The following BRINP2 variants were observed in gnomAD, a reference collection of about 807,000 sequenced individuals.
BRINP2 encodes BMP/retinoic acid-inducible neural-specific protein 2.
In BRINP2, 21 loss-of-function variants were observed where a neutral mutation model predicts 69.2. That is an observed-to-expected ratio of 0.30 (90% CI 0.22 to 0.44). BRINP2 has a LOEUF of 0.44. Ranked by LOEUF, BRINP2 falls within the 20% of genes least tolerant of loss-of-function variation. The pLI is 1.00. For synonymous variants in BRINP2, 380 were observed against 394.1 expected (o/e 0.96, Z 0.42); for missense variants, 877 against 986.0 (o/e 0.89, Z 1.48).
chr1:177,210,774 T>C (rs562647634), intron 1 of BRINP2, among the ~76,000 whole-genome samples: 1 of 151,602 alleles, frequency 6.6e-6, no homozygotes. Flanking sequence ...AACTTTCCGA[T>C]GAAAAATTAT....
Position 177,248,872 on chromosome 1 carries a change from G to A in BRINP2, c.270-7047G>A, listed in dbSNP as rs553571211. On this transcript the variant is annotated intron_variant, in intron 2 of 7. Coordinates refer to ENST00000361539, the MANE Select transcript of BRINP2 (RefSeq NM_021165.4). ...TTTGTAGCCATTTAGTATTCTCATCGGAGACCCTTTTGCTTCAAACCCAGA... is the reference window on the plus strand; with the variant it reads ...TTTGTAGCCATTTAGTATTCTCATCAGAGACCCTTTTGCTTCAAACCCAGA... Among the ~76,000 whole-genome samples, 378 of 152,116 alleles carry A rather than the reference G, an allele frequency of 2.5e-3. 3 individuals are homozygous for A. Among genetic ancestry groups the A allele is most frequent in the South Asian group, 3.5e-3 (17 of 4,812 alleles).
At chr1:177,256,660 T>C in intron 3 of BRINP2, 1 of 1,036,046 alleles carries the variant, frequency 9.7e-7, no homozygotes, top group East Asian at 8.1e-5. Flanking sequence ...GAGCTCCCTC[T>C]GCCCTGGGAA....
At chr1:177,213,082 G>A (rs1446651575) in intron 1 of BRINP2, among the ~76,000 whole-genome samples, 1 of 152,164 alleles carries the variant, frequency 6.6e-6, no homozygotes, top group Non-Finnish European at 1.5e-5. Context: ...AAGATGTGGA[G>A]ATGTGTAATC....
chr1:177,200,248 C>A (rs192064254), intron 1 of BRINP2, among the ~76,000 whole-genome samples: 2 of 123,182 alleles, frequency 1.6e-5, no homozygotes, highest in Non-Finnish European at 1.6e-5. Context: ...GCTGAGATTG[C>A]GCCCTTGCTC....
intron 1 of BRINP2, among the ~76,000 whole-genome samples, chr1:177,204,780 C>A (rs1192355304): frequency 6.6e-6 from 1 of 152,026 alleles, no homozygotes; most frequent in Non-Finnish European, 1.5e-5. Context: ...ATAAACCTAC[C>A]AACCAGTGAT....
chr1:177,187,553 A>G (rs150271901), intron 1 of BRINP2, among the ~76,000 whole-genome samples: 15 of 152,288 alleles, frequency 9.8e-5, no homozygotes, highest in Admixed American at 3.9e-4. Flanking sequence ...GGAGCCTTGC[A>G]GCTTCTGGGG....
intron 1 of BRINP2, among the ~76,000 whole-genome samples, chr1:177,220,653 A>G (rs1649499886): frequency 2.0e-5 from 3 of 152,198 alleles, no homozygotes; most frequent in African/African-American, 7.2e-5. Context: ...TAGCAATGCA[A>G]TAACGGCCTA....
rs1649222938 is a variant in BRINP2 at position 177,211,569 on chromosome 1, G to C, written c.-76-18232G>C. Among the ~76,000 whole-genome samples, 3 of 152,074 alleles carry C rather than the reference G, an allele frequency of 2.0e-5. No homozygotes were observed. The South Asian group carries it at 6.2e-4, about 32-fold the overall frequency. ...ATTTTGTAGGATGTTCCTTAATTTA[G>C]ATTTGTCTGTGATTTCCTCGTTCTG... is the stretch of plus-strand genomic sequence containing the variant. On this transcript the variant is annotated intron_variant, in intron 1 of 7. Transcript: ENST00000361539.
At chr1:177,270,348 C>T (rs1188047017) in intron 4 of BRINP2, among the ~76,000 whole-genome samples, 1 of 152,288 alleles carries the variant, frequency 6.6e-6, no homozygotes, top group Non-Finnish European at 1.5e-5. Context: ...AATTCCCATC[C>T]TTGTGCCACA....
At chr1:177,257,080 C>T (rs1276935627) in intron 3 of BRINP2, 96 bp from the exon 4 acceptor site, 5 of 1,576,316 alleles carry the variant, frequency 3.2e-6, no homozygotes, top group Admixed American at 1.9e-5. Context: ...CACTCTCTCT[C>T]AGCTGTGTCT....
rs1651708173 is a variant in BRINP2, at chr1:177,281,699, T to C, written c.*171T>C. 1.3e-6 allele frequency: 1 copy of C among 771,962 alleles called. No homozygotes were observed. The highest frequency in any genetic ancestry group is 1.7e-5 in the African/African-American group (1 of 57,256). The allele number at this position is 771,962 out of a possible 1,614,324, so 47.8% of individuals were successfully genotyped here. ...AAGCAGGCGAGAGAGAAACAGCTAC[T>C]GCGTGCGTGCGCGCACGCATACACA... On this transcript the variant is annotated 3_prime_UTR_variant, in exon 8 of 8. Coordinates refer to ENST00000361539, the MANE Select transcript of BRINP2 (RefSeq NM_021165.4).
chr1:177,270,867 A>T (rs758527208), intron 4 of BRINP2, among the ~76,000 whole-genome samples: 1 of 152,176 alleles, frequency 6.6e-6, no homozygotes, highest in Non-Finnish European at 1.5e-5. Context: ...ATGGCTCTTC[A>T]TATGGGGAAT....
In BRINP2 at chr1:177,264,856, TATC is replaced by T. The variant is rs1651068895; in HGVS notation, c.669+7475_669+7477del. 2.6e-5 allele frequency among the ~76,000 whole-genome samples: 4 copies of T among 152,328 alleles called. No homozygotes were observed. In the East Asian group the frequency reaches 7.7e-4, roughly 29 times the overall value. On this transcript the variant is annotated intron_variant, in intron 4 of 7. Transcript: ENST00000361539. ...CATGCTCATGGATAGGAAGAATCAA[TATC>T]ATGAAAATGGTCATACTGCCCAAAG... is the stretch of plus-strand genomic sequence containing the variant.
In BRINP2 at chr1:177,273,509, C is replaced by G. The variant is rs777602088; in HGVS notation, c.691C>G (p.Pro231Ala). The G allele has an allele frequency of 1.2e-6, 2 of 1,611,390 alleles. No homozygotes were observed. The highest frequency in any genetic ancestry group is 1.7e-6 in the Non-Finnish European group (2 of 1,178,716). ...AIKVTETRTG[P>A]LGCSNYDNLD... ...CTAGGTCACCGAGACCAGGACCGGT[C>G]CTCTGGGCTGCAGCAACTATGACAA... The change falls in exon 5 of 8, where the codon CCT becomes GCT. Residue 231 changes from proline to alanine, a missense_variant. Pro to Ala is a conservative substitution (Grantham distance 27, BLOSUM62 -1). Around this residue, in one of 3 missense-constraint regions of BRINP2, gnomAD observed 566 missense variants for 625.2 expected, o/e 0.91. Coordinates refer to ENST00000361539, the MANE Select transcript of BRINP2 (RefSeq NM_021165.4).
rs1319461887 is a variant in BRINP2 at position 177,212,565 on chromosome 1, TG to T, written c.-76-17234del. On this transcript the variant is annotated intron_variant, in intron 1 of 7. Transcript: ENST00000361539. ...GTCTCAAAAAAAAAAAAAAATTTAT[TG>T]GTGTGCTGGAGTTGGTTTCACACTA... 5.3e-5 allele frequency among the ~76,000 whole-genome samples: 8 copies of T among 152,208 alleles called. No homozygotes were observed. In the East Asian group the frequency reaches 1.5e-3, roughly 29 times the overall value.
chr1:177,177,049 T>C (rs939103797), intron 1 of BRINP2, among the ~76,000 whole-genome samples: 12 of 152,168 alleles, frequency 7.9e-5, no homozygotes, highest in African/African-American at 2.9e-4. Context: ...GTGAGAGCTT[T>C]CTGTTTTCTT....
chr1:177,280,327 G>A (rs192059834), intron 7 of BRINP2, 85 bp from the exon 8 acceptor site: 2 of 1,330,370 alleles, frequency 1.5e-6, no homozygotes, highest in African/African-American at 1.5e-5. Context: ...TCCACGCCTA[G>A]TGGTCAATGT....
At chr1:177,251,807 C>T (rs1299973184) in intron 2 of BRINP2, among the ~76,000 whole-genome samples, 1 of 152,154 alleles carries the variant, frequency 6.6e-6, no homozygotes, top group African/African-American at 2.4e-5. Context: ...GTGGGGCCCA[C>T]CTCTATGCTA....
chr1:177,185,530 G>C (rs1648403141), intron 1 of BRINP2, among the ~76,000 whole-genome samples: 2 of 152,146 alleles, frequency 1.3e-5, no homozygotes. Flanking sequence ...AACCATGTGG[G>C]ATATCTTACA....
Sources: gnomAD v4.1 joint callset for allele counts (sites outside exome capture counted in the v4.1 genomes callset) on GRCh38, gnomAD v4.1.1 for gene constraint, gnomAD v4.1.1 regional missense constraint, MANE v1.5 for transcripts, NCBI Gene and HGNC (gene_info 2026-07-23, HGNC 2026-07-21) for gene names.